Variants in LIPK observed in about 807,000 individuals in gnomAD.
LIPK encodes the protein lipase member K.
Under a neutral mutation model 48.6 loss-of-function variants are expected in LIPK, and 32 were observed. The observed-to-expected ratio is 0.66, with a 90% CI of 0.50 to 0.88. The LOEUF is 0.88. LIPK is among the 40% of genes least tolerant of loss of function. The pLI is 0.00. For synonymous variants in LIPK, 164 were observed against 157.4 expected, an observed-to-expected ratio of 1.04 and a Z score of -0.32; for missense variants, 507 against 478.5, an observed-to-expected ratio of 1.06 and a Z score of -0.56.
At position 88,742,611 on chromosome 10, in the gene LIPK, G is replaced by A. The variant is rs189540948; in HGVS notation, c.889-639G>A. On this transcript the variant is annotated intron_variant, in intron 8 of 9. Coordinates refer to ENST00000404190, the MANE Select transcript of LIPK (RefSeq NM_001080518.2). ...ATATTTGAAGTTTCAATACCAAAAT[G>A]CAAAAGTAGTCATGCACAGTGTCTC... Among the ~76,000 whole-genome samples, 128 of 152,302 alleles carry A rather than the reference G, an allele frequency of 8.4e-4. 1 individual carries two copies. Among genetic ancestry groups the A allele is most frequent in the Middle Eastern group, 6.8e-3 (2 of 294 alleles).
At chr10:88,722,300 A>G (rs566135201) in intron 1 of LIPK, among the ~76,000 whole-genome samples, 2 of 152,304 alleles carry the variant, frequency 1.3e-5, no homozygotes, top group Admixed American at 1.3e-4. Context: ...CGTCTCAGGA[A>G]AAAAAAGATT....
chr10:88,727,054 T>C, intron 3 of LIPK, 142 bp downstream of exon 3: 1 of 645,262 alleles, frequency 1.5e-6, no homozygotes, highest in Non-Finnish European at 2.7e-6. Flanking sequence ...CCCATCTCTC[T>C]GTTTAATTTG....
At chr10:88,720,677 ATGTGTG>A (rs998587628) in intron 1 of LIPK, among the ~76,000 whole-genome samples, 38 of 150,582 alleles carry the variant, frequency 2.5e-4, no homozygotes, top group African/African-American at 9.1e-4. Flanking sequence ...ATGTGTGTGT[ATGTGTG>A]TGTGTAGTCT....
chr10:88,723,249 A>T (rs138237128), intron 1 of LIPK, among the ~76,000 whole-genome samples: 3 of 152,266 alleles, frequency 2.0e-5, no homozygotes, highest in Non-Finnish European at 4.4e-5. Context: ...CCGGCACATT[A>T]TTTGGTACAT....
intron 7 of LIPK, among the ~76,000 whole-genome samples, chr10:88,738,804 T>C (rs139874144): frequency 1.1e-3 from 170 of 152,342 alleles, no homozygotes; most frequent in African/African-American, 3.8e-3. Flanking sequence ...TCACCTTTTG[T>C]CTTTCTGCCA....
chr10:88,733,502 G>A (rs777738151), intron 6 of LIPK, among the ~76,000 whole-genome samples: 1 of 152,204 alleles, frequency 6.6e-6, no homozygotes, highest in Non-Finnish European at 1.5e-5. Flanking sequence ...GGTGATTGAA[G>A]TTCATATCTA....
At chr10:88,735,661 A>T (rs1007032030) in intron 6 of LIPK, among the ~76,000 whole-genome samples, 2 of 152,376 alleles carry the variant, frequency 1.3e-5, no homozygotes, top group African/African-American at 4.8e-5. Flanking sequence ...CCATGTTGCC[A>T]GAAAGAGGGG....
chr10:88,740,978 T>A (rs1408156921), intron 8 of LIPK, among the ~76,000 whole-genome samples: 3 of 152,178 alleles, frequency 2.0e-5, no homozygotes, highest in African/African-American at 7.2e-5. Context: ...CGAAGAAAGA[T>A]GTTCAGGATA....
chr10:88,751,187 A>G (rs1842857249), intron 9 of LIPK, among the ~76,000 whole-genome samples: 2 of 152,052 alleles, frequency 1.3e-5, no homozygotes, highest in South Asian at 2.1e-4. Context: ...GAAAACTTTT[A>G]GAGAAAAGTT....
chr10:88,746,055 G>C (rs888309993), intron 9 of LIPK, among the ~76,000 whole-genome samples: 1 of 151,912 alleles, frequency 6.6e-6, no homozygotes, highest in Non-Finnish European at 1.5e-5. Flanking sequence ...AAAGATAAAG[G>C]GTTGAATTTA....
chr10:88,738,711 A>G (rs1842622912), intron 7 of LIPK, among the ~76,000 whole-genome samples: 1 of 152,244 alleles, frequency 6.6e-6, no homozygotes, highest in Admixed American at 6.5e-5. Context: ...ATAGCCTAAG[A>G]GTTTGCTAAA....
intron 1 of LIPK, among the ~76,000 whole-genome samples, chr10:88,719,592 A>G (rs1199116608): frequency 6.6e-6 from 1 of 152,242 alleles, no homozygotes; most frequent in Non-Finnish European, 1.5e-5. Context: ...TCTTCTGTAG[A>G]AACTGACCCC....
chr10:88,751,741 A>G (rs189907855), intron 9 of LIPK, among the ~76,000 whole-genome samples: 4 of 152,272 alleles, frequency 2.6e-5, no homozygotes, highest in Admixed American at 2.6e-4. Context: ...AACAGTGGTG[A>G]CTAGGTTTAC....
intron 7 of LIPK, among the ~76,000 whole-genome samples, chr10:88,738,463 T>C (rs1370857529): frequency 6.6e-6 from 1 of 152,226 alleles, no homozygotes; most frequent in African/African-American, 2.4e-5. Context: ...TAGAAAGCAC[T>C]GATTAAAATT....
chr10:88,706,834 T>C (rs1841944564), intron 1 of LIPK, among the ~76,000 whole-genome samples: 1 of 152,138 alleles, frequency 6.6e-6, no homozygotes, highest in African/African-American at 2.4e-5. Flanking sequence ...GCTTATGAAA[T>C]CAATCATTTG....
intron 1 of LIPK, among the ~76,000 whole-genome samples, chr10:88,712,688 A>T (rs536696153): frequency 6.6e-6 from 1 of 152,136 alleles, no homozygotes; most frequent in African/African-American, 2.4e-5. Flanking sequence ...TTTTGCAGGG[A>T]TTTATCTGAG....
chr10:88,734,734 G>A (rs1036018026), intron 6 of LIPK, among the ~76,000 whole-genome samples: 6 of 152,106 alleles, frequency 3.9e-5, no homozygotes, highest in Admixed American at 3.9e-4. Flanking sequence ...TGATTATGGG[G>A]TTATTGTTAA....
intron 2 of LIPK, 27 bp downstream of exon 2, chr10:88,724,675 C>A: frequency 6.9e-7 from 1 of 1,444,274 alleles, no homozygotes; most frequent in Non-Finnish European, 9.4e-7. Flanking sequence ...GAAAAAAATG[C>A]TAAAATAAGG....
Position 88,724,492 on chromosome 10 carries a change from A to C in LIPK, c.-11-41A>C, listed in dbSNP as rs1357492691. 3.2e-6 allele frequency: 4 copies of C among 1,230,968 alleles called. No homozygotes were observed. The East Asian group carries it at 9.9e-5, about 31-fold the overall frequency. 76.3% of individuals were successfully genotyped at this position (1,230,968 alleles called of 1,614,324 possible). A position where few individuals can be genotyped will look rare whatever the true frequency, so the allele number is the denominator to read the frequency against. On this transcript the variant is annotated intron_variant, in intron 1 of 9. Coordinates refer to ENST00000404190, the MANE Select transcript of LIPK (RefSeq NM_001080518.2). ...ATTACACCAAATTTCACTTCGTAGA[A>C]TTTATCTTTGATGACAAATATATTA...
Sources: allele counts gnomAD v4.1 joint callset (sites outside exome capture counted in the v4.1 genomes callset), GRCh38; gene constraint gnomAD v4.1.1; transcripts MANE v1.5; gene names NCBI Gene and HGNC (gene_info 2026-07-23, HGNC 2026-07-21).